The following PKP2 variants were observed in gnomAD, a reference collection of about 807,000 sequenced individuals.
PKP2 encodes the protein plakophilin 2.
Under a neutral mutation model 83.4 loss-of-function variants are expected in PKP2, and 73 were observed. That is an observed-to-expected ratio of 0.88 (90% CI 0.72 to 1.06). The LOEUF (loss-of-function observed/expected upper bound fraction) is 1.06. PKP2 is among the 50% of genes least tolerant of loss of function. The pLI is 0.00. For synonymous variants in PKP2, 409 were observed against 430.4 expected (o/e 0.95, Z 0.62); for missense variants, 966 against 1,065.4 (o/e 0.91, Z 1.30).
chr12:32,830,041 CA>C (rs1263408546), intron 6 of PKP2, among the ~76,000 whole-genome samples: 1 of 152,166 alleles, frequency 6.6e-6, no homozygotes, highest in Non-Finnish European at 1.5e-5. Context: ...CACGCATCAC[CA>C]ACAAGTATAG....
intron 3 of PKP2, among the ~76,000 whole-genome samples, chr12:32,873,151 G>C (rs535860217): frequency 2.0e-5 from 3 of 152,000 alleles, no homozygotes; most frequent in African/African-American, 7.2e-5. Context: ...CCAGGCTGGA[G>C]TGCAGTGTCA....
rs149986302 is a variant in PKP2 at position 32,884,960 on chromosome 12, A to T, written c.224-5928T>A. On this transcript the variant is annotated intron_variant, in intron 1 of 12. Coordinates refer to ENST00000340811, the MANE Select transcript of PKP2 (RefSeq NM_001005242.3). ...TTCCTAAAGAAGGGGATGATTTACT[A>T]GGAAATATTTCAAATTAACATGGGC... Among the ~76,000 whole-genome samples the T allele has an allele frequency of 2.8e-3, 424 of 152,338 alleles. 1 individual carries two copies. The highest frequency in any genetic ancestry group is 8.4e-3 in the Admixed American group (128 of 15,294).
At chr12:32,873,896 C>T (rs180855252) in intron 3 of PKP2, among the ~76,000 whole-genome samples, 8 of 152,286 alleles carry the variant, frequency 5.3e-5, no homozygotes, top group Admixed American at 1.3e-4. Flanking sequence ...TTTGCAGAAC[C>T]ATCAGCCTCC....
intron 10 of PKP2, among the ~76,000 whole-genome samples, chr12:32,796,810 T>C (rs760700360): frequency 6.6e-6 from 1 of 152,216 alleles, no homozygotes; most frequent in Non-Finnish European, 1.5e-5. Flanking sequence ...GTGCTCAGTA[T>C]ATTGAAAATC....
chr12:32,817,758 T>C (rs74072944), intron 9 of PKP2, among the ~76,000 whole-genome samples: 5,863 of 152,252 alleles, frequency 0.039, 383 homozygotes, highest in African/African-American at 0.14. Context: ...TTCATTCCTG[T>C]TGGTATTTAT....
chr12:32,884,954 T>A (rs1276540584), intron 1 of PKP2, among the ~76,000 whole-genome samples: 1 of 152,174 alleles, frequency 6.6e-6, no homozygotes, highest in Admixed American at 6.5e-5. Context: ...AAGGGGATGA[T>A]TTACTAGGAA....
Position 32,896,719 on chromosome 12 carries a change from CGG to C in PKP2, c.11_12del (p.Pro4ArgfsTer5). 6.8e-7 allele frequency: 1 copy of C among 1,465,616 alleles called. No individual in the cohort carries two copies. The highest frequency in any genetic ancestry group is 1.3e-5 in the South Asian group (1 of 76,162). The allele number at this position is 1,465,616 out of a possible 1,614,324, so 90.8% of individuals were successfully genotyped here. A position where few individuals can be genotyped will look rare whatever the true frequency, so the allele number is the denominator to read the frequency against. MAA[P>X]GAPAEYGYIR... ...ATGTAGCCGTACTCAGCTGGGGCGCCGGGGGCTGCCATGGGGCCGGTGGGGGC... is the reference window on the plus strand; with the variant it reads ...ATGTAGCCGTACTCAGCTGGGGCGCCGGGCTGCCATGGGGCCGGTGGGGGC... On this transcript the variant is annotated frameshift_variant, in exon 1 of 13. Coordinates refer to ENST00000340811, the MANE Select transcript of PKP2 (RefSeq NM_001005242.3). LOFTEE classifies it high-confidence loss of function.
chr12:32,846,963 T>A (rs939391535), intron 5 of PKP2, among the ~76,000 whole-genome samples: 4 of 152,134 alleles, frequency 2.6e-5, no homozygotes, highest in Non-Finnish European at 5.9e-5. Flanking sequence ...TTGGGCAATT[T>A]ACTTAACCCC....
chr12:32,850,497 C>T (rs1371067446), intron 5 of PKP2, among the ~76,000 whole-genome samples: 1 of 151,082 alleles, frequency 6.6e-6, no homozygotes, highest in African/African-American at 2.4e-5. Context: ...ACCCTGGAGG[C>T]GGAGGTTGCA....
At chr12:32,823,834 C>G (rs1956406284) in intron 7 of PKP2, among the ~76,000 whole-genome samples, 1 of 152,092 alleles carries the variant, frequency 6.6e-6, no homozygotes, top group Admixed American at 6.5e-5. Context: ...ATCTCCTGAC[C>G]TCGTGATCTG....
intron 1 of PKP2, among the ~76,000 whole-genome samples, chr12:32,892,832 G>A (rs1362458454): frequency 1.4e-5 from 2 of 138,632 alleles, no homozygotes; most frequent in African/African-American, 2.6e-5. Flanking sequence ...GGGGGGGGGA[G>A]AACTGTGTAG....
At chr12:32,796,662 G>A (rs1056989663) in intron 10 of PKP2, among the ~76,000 whole-genome samples, 23 of 152,236 alleles carry the variant, frequency 1.5e-4, no homozygotes, top group Non-Finnish European at 2.2e-4. Flanking sequence ...GCCTCCCAAA[G>A]TGCTGGGATT....
chr12:32,793,996 A>AT (rs1956098492), intron 11 of PKP2, among the ~76,000 whole-genome samples: 1 of 151,920 alleles, frequency 6.6e-6, no homozygotes, highest in South Asian at 2.1e-4. Context: ...CACATGGCTG[A>AT]TTTTTTTTCT....
At chr12:32,817,644 T>G (rs1956332510) in intron 9 of PKP2, among the ~76,000 whole-genome samples, 1 of 152,260 alleles carries the variant, frequency 6.6e-6, no homozygotes, top group Non-Finnish European at 1.5e-5. Flanking sequence ...AGGCTAGTCC[T>G]TTTTGTGTCC....
At chr12:32,834,920 TGAGCCACA>T (rs376411573) in intron 6 of PKP2, among the ~76,000 whole-genome samples, 14 of 145,258 alleles carry the variant, frequency 9.6e-5, no homozygotes, top group Admixed American at 2.8e-4. Context: ...ACTGATACTA[TGAGCCACA>T]GTATAAATTC....
At chr12:32,800,456 T>C (rs1956169068) in intron 10 of PKP2, among the ~76,000 whole-genome samples, 1 of 152,212 alleles carries the variant, frequency 6.6e-6, no homozygotes, top group African/African-American at 2.4e-5. Context: ...AACACTTTCC[T>C]TTTGACTGTG....
rs759322948 is a variant in PKP2 at position 32,792,714 on chromosome 12, G to T, written c.2375C>A (p.Ala792Glu). 3.1e-6 allele frequency: 5 copies of T among 1,613,962 alleles called. No homozygotes were observed. The South Asian group carries it at 5.5e-5, about 18-fold the overall frequency. Residue 792 changes from alanine (A) to glutamate (E), a missense_variant, in exon 12 of 13, where the codon GCA (alanine) becomes GAA (glutamate). Ala to Glu is a moderately radical substitution (Grantham distance 107). Transcript: ENST00000340811. ...CAGAAGGACGGAAGCAGCTTTACTT[G>T]CTTTGTTGGAGGCATAGCTGAAAAG... ...SAGDAYASNK[A>E]SKAASVLLYS...
At chr12:32,884,782 GT>G (rs61601476) in intron 1 of PKP2, among the ~76,000 whole-genome samples, 9,588 of 141,258 alleles carry the variant, frequency 0.068, 982 homozygotes, top group African/African-American at 0.23. Flanking sequence ...TTGTAGAGCA[GT>G]TTTTTTTTTT....
intron 9 of PKP2, among the ~76,000 whole-genome samples, chr12:32,804,423 C>T (rs115014723): frequency 6.0e-4 from 92 of 152,274 alleles, no homozygotes; most frequent in African/African-American, 2.0e-3. Flanking sequence ...TTAAGCCCAG[C>T]GCCCATTAGC....
Sources: allele counts gnomAD v4.1 joint callset (sites outside exome capture counted in the v4.1 genomes callset), GRCh38; gene constraint gnomAD v4.1.1; transcripts MANE v1.5; gene names NCBI Gene and HGNC (gene_info 2026-07-23, HGNC 2026-07-21).